The following CELF2 variants were observed in gnomAD, a reference collection of about 807,000 sequenced individuals.
CELF2 encodes the protein CUGBP Elav-like family member 2.
Under a neutral mutation model 62.6 loss-of-function variants are expected in CELF2, and 8 were observed. The observed-to-expected ratio is 0.13, with a 90% CI of 0.07 to 0.23. The LOEUF (loss-of-function observed/expected upper bound fraction) is 0.23. Among genes scored for constraint, CELF2 ranks in the 10% least tolerant of loss-of-function variants. CELF2 has a pLI of 1.00. For synonymous variants in CELF2, 258 were observed against 250.0 expected (o/e 1.03, Z -0.30); for missense variants, 333 against 671.0 (o/e 0.50, Z 5.56).
At position 11,336,118 on chromosome 10, in the gene CELF2, G is replaced by A. The variant is rs1175129371; in HGVS notation, c.*7065G>A. Reference sequence around the variant, plus strand: ...AGCCACACACGCTGCCCAGCCCACAGCAGTCGCACGCAGCCGATGGGCTCG... The same window carrying A: ...AGCCACACACGCTGCCCAGCCCACAACAGTCGCACGCAGCCGATGGGCTCG... On this transcript the variant is annotated 3_prime_UTR_variant, in exon 13 of 13. Transcript: ENST00000633077. This position sits in a 1 kb window ranked among gnomAD's most constrained non-coding sequence, Gnocchi z 5.4. 1 of 152,724 alleles carries A rather than the reference G, an allele frequency of 6.5e-6. No homozygotes were observed. The highest frequency in any genetic ancestry group is 1.5e-5 in the Non-Finnish European group (1 of 68,064). 9.5% of individuals were successfully genotyped at this position (152,724 alleles called of 1,614,324 possible). A position where few individuals can be genotyped will look rare whatever the true frequency, so the allele number is the denominator to read the frequency against.
chr10:11,119,864 T>TCCCCCCCCCCCCC (rs57433204), intron 1 of CELF2, among the ~76,000 whole-genome samples: 25 of 112,090 alleles, frequency 2.2e-4, no homozygotes, highest in Non-Finnish European at 3.7e-4. Flanking sequence ...TGATTCCGCC[T>TCCCCCCCCCCCCC]CCCCCCCCCC....
At chr10:10,522,151 A>C in the CELF2 span, among the ~76,000 whole-genome samples, 1 of 152,344 alleles carries the variant, frequency 6.6e-6, no homozygotes, top group East Asian at 1.9e-4. Flanking sequence ...TCTTGGAGCC[A>C]AAATGGGACC....
Position 10,948,292 on chromosome 10 carries a change from C to T in CELF2, c.89+28293C>T, listed in dbSNP as rs543699871. On this transcript the variant is annotated intron_variant, in intron 2 of 13. Coordinates refer to the CELF2 transcript ENST00000636488. ...CATCTTCTCTAGCCCAGGAGGTGCC[C>T]TCTGGGAGTTTACATCCAGCCCTTA... 2.0e-5 allele frequency: 3 copies of T among 152,398 alleles called. No homozygotes were observed. In the South Asian group the frequency reaches 6.2e-4, roughly 32 times the overall value. The allele number at this position is 152,398 out of a possible 1,614,324, so 9.4% of individuals were successfully genotyped here. A position where few individuals can be genotyped will look rare whatever the true frequency, so the allele number is the denominator to read the frequency against.
At chr10:11,263,250 G>A (rs1353881757) in intron 5 of CELF2, among the ~76,000 whole-genome samples, 5 of 151,880 alleles carry the variant, frequency 3.3e-5, no homozygotes, top group Admixed American at 1.3e-4. Flanking sequence ...TTAGCAATTC[G>A]TAACATTCTG....
the CELF2 span, among the ~76,000 whole-genome samples, chr10:10,517,227 G>A: frequency 6.6e-6 from 1 of 152,120 alleles, no homozygotes; most frequent in Admixed American, 6.6e-5. Context: ...TAGCTTGAGG[G>A]GGACTCAACT....
chr10:10,656,918 T>TAAAAAAAAAAAA, the CELF2 span, among the ~76,000 whole-genome samples: 1 of 124,918 alleles, frequency 8.0e-6, no homozygotes, highest in Non-Finnish European at 1.7e-5. Context: ...GTAGAATCAA[T>TAAAAAAAAAAAA]AAAAAAAAAA....
intron 1 of CELF2, among the ~76,000 whole-genome samples, chr10:10,810,002 T>C (rs1180690224): frequency 6.6e-6 from 1 of 152,208 alleles, no homozygotes; most frequent in Non-Finnish European, 1.5e-5. Flanking sequence ...GTTTCTATAT[T>C]TCTGACAGTT....
At chr10:10,763,897 T>G in the CELF2 span, among the ~76,000 whole-genome samples, 1 of 152,250 alleles carries the variant, frequency 6.6e-6, no homozygotes, top group East Asian at 1.9e-4. Flanking sequence ...CTTTAGTGAC[T>G]CTCTGAGCTT....
chr10:10,986,159 T>C (rs767906325), intron 2 of CELF2, among the ~76,000 whole-genome samples: 55 of 152,090 alleles, frequency 3.6e-4, no homozygotes, highest in Non-Finnish European at 6.8e-4. Context: ...ATAGCACTTA[T>C]CTATACAGTG....
chr10:10,689,526 T>C, the CELF2 span, among the ~76,000 whole-genome samples: 1 of 152,096 alleles, frequency 6.6e-6, no homozygotes, highest in Non-Finnish European at 1.5e-5. Flanking sequence ...ACATGAAAAA[T>C]GAAAACTAGT....
chr10:10,788,570 C>T, the CELF2 span, among the ~76,000 whole-genome samples: 9 of 143,368 alleles, frequency 6.3e-5, no homozygotes, highest in East Asian at 1.8e-3. Flanking sequence ...TCAAGCGATT[C>T]TCCTGCCTCT....
At chr10:11,050,398 G>C (rs749045533) in intron 1 of CELF2, among the ~76,000 whole-genome samples, 1 of 152,170 alleles carries the variant, frequency 6.6e-6, no homozygotes, top group Admixed American at 6.5e-5. Flanking sequence ...TGGGACATGC[G>C]TGAGATGAGT....
chr10:11,236,850 C>CA (rs2071538879), intron 3 of CELF2, among the ~76,000 whole-genome samples: 1 of 152,110 alleles, frequency 6.6e-6, no homozygotes, highest in Non-Finnish European at 1.5e-5. Flanking sequence ...TGGATAAACA[C>CA]ACAGCAGAAG....
chr10:11,120,814 A>G (rs2057590829), intron 1 of CELF2, among the ~76,000 whole-genome samples: 1 of 152,216 alleles, frequency 6.6e-6, no homozygotes, highest in Non-Finnish European at 1.5e-5. Flanking sequence ...GAAAAGGACC[A>G]TAGTGAGACT....
At chr10:11,026,811 C>T (rs1272040643) in intron 1 of CELF2, among the ~76,000 whole-genome samples, 1 of 152,210 alleles carries the variant, frequency 6.6e-6, no homozygotes, top group Non-Finnish European at 1.5e-5. Context: ...GGGAGGAGAG[C>T]AGTATCCAAA....
chr10:10,756,252 C>T, the CELF2 span, among the ~76,000 whole-genome samples: 1 of 152,258 alleles, frequency 6.6e-6, no homozygotes, highest in African/African-American at 2.4e-5. Context: ...TTAATATTCT[C>T]ATACAGCAGA....
chr10:10,487,982 T>TAA, the CELF2 span, among the ~76,000 whole-genome samples: 1 of 152,132 alleles, frequency 6.6e-6, no homozygotes, highest in Non-Finnish European at 1.5e-5. Context: ...ACATGATTGT[T>TAA]ACATAAAAAT....
At chr10:10,922,116 G>GT (rs1176621269) in intron 2 of CELF2, among the ~76,000 whole-genome samples, 1 of 124,598 alleles carries the variant, frequency 8.0e-6, no homozygotes, top group Non-Finnish European at 1.6e-5. Context: ...GATTAATATT[G>GT]CCAAAAAAAA....
chr10:10,607,657 A>G, the CELF2 span, among the ~76,000 whole-genome samples: 11 of 152,358 alleles, frequency 7.2e-5, no homozygotes, highest in Admixed American at 2.0e-4. Flanking sequence ...GGAGAGAAAT[A>G]GAAAATGTAA....
Sources: allele counts gnomAD v4.1 joint callset (sites outside exome capture counted in the v4.1 genomes callset), GRCh38; gene constraint gnomAD v4.1.1; non-coding constraint Gnocchi (gnomAD v3.1); transcripts MANE v1.5; gene names NCBI Gene and HGNC (gene_info 2026-07-23, HGNC 2026-07-21).